FAP: variants seen among roughly 807,000 people sequenced by gnomAD.
FAP encodes prolyl endopeptidase FAP.
In FAP, 110 loss-of-function variants were observed where a neutral mutation model predicts 126.5. The ratio of observed to expected loss-of-function variants is 0.87; its 90% CI spans 0.74 to 1.02. The LOEUF is 1.02. Ranked by LOEUF, FAP falls within the 50% of genes least tolerant of loss-of-function variation. FAP has a pLI of 0.00. For synonymous variants in FAP, 334 were observed against 297.3 expected (o/e 1.12, Z -1.27); for missense variants, 919 against 909.2 (o/e 1.01, Z -0.14).
intron 16 of FAP, among the ~76,000 whole-genome samples, chr2:162,197,138 T>TCATCAGCAAATGCATC (rs1290386544): frequency 1.3e-5 from 2 of 152,216 alleles, no homozygotes. Context: ...ACTGATGCAT[T>TCATCAGCAAATGCATC]CATCAGCAAA....
At chr2:162,223,403 A>T (rs1010562506) in intron 6 of FAP, among the ~76,000 whole-genome samples, 1 of 152,188 alleles carries the variant, frequency 6.6e-6, no homozygotes, top group South Asian at 2.1e-4. Flanking sequence ...AATATAAAAT[A>T]TTAGTCAAAT....
intron 20 of FAP, among the ~76,000 whole-genome samples, chr2:162,187,524 T>C (rs1473947934): frequency 2.6e-5 from 4 of 152,090 alleles, no homozygotes; most frequent in African/African-American, 4.8e-5. Flanking sequence ...GCCTATATAG[T>C]CCTGTTTCAG....
rs1690404530 is a variant in FAP at position 162,242,821 on chromosome 2, A to C, written c.91+87T>G. ...GACTTACTTTGGAACATAAGCACTT[A>C]GGAAATGTTCAACCACTTGTGATCT... On this transcript the variant is annotated intron_variant, in intron 2 of 25. Coordinates refer to ENST00000188790, the MANE Select transcript of FAP (RefSeq NM_004460.5). 3 of 938,792 alleles carry C rather than the reference A, an allele frequency of 3.2e-6. No homozygotes were observed. The South Asian group carries it at 4.4e-5, about 14-fold the overall frequency. The allele number at this position is 938,792 out of a possible 1,614,324, so 58.2% of individuals were successfully genotyped here.
intron 12 of FAP, among the ~76,000 whole-genome samples, chr2:162,204,873 A>G (rs947331688): frequency 8.5e-5 from 13 of 152,178 alleles, no homozygotes; most frequent in African/African-American, 3.1e-4. Context: ...CTGTCTCTAT[A>G]ATTTGAGTTC....
chr2:162,205,534 T>C lies in FAP; in HGVS notation c.1048-2389A>G, dbSNP rs146387253. ...CTTTTTTTTATTTTTTTATTTTTTA[T>C]GGAGTTTCGTTCTTGTTGCCCAGGC... On this transcript the variant is annotated intron_variant, in intron 12 of 25. Coordinates refer to ENST00000188790, the MANE Select transcript of FAP (RefSeq NM_004460.5). Among the ~76,000 whole-genome samples, 419 of 152,246 alleles carry C rather than the reference T, an allele frequency of 2.8e-3. 5 individuals are homozygous for C. The highest frequency in any genetic ancestry group is 9.9e-3 in the African/African-American group (411 of 41,564).
intron 4 of FAP, 123 bp downstream of exon 4, chr2:162,225,360 T>C (rs553304131): frequency 4.9e-6 from 6 of 1,228,802 alleles, no homozygotes; most frequent in Non-Finnish European, 6.7e-6. Flanking sequence ...AAGACTCTAG[T>C]GGAGTATGGA....
intron 11 of FAP, among the ~76,000 whole-genome samples, chr2:162,211,363 C>T (rs1688926903): frequency 6.6e-6 from 1 of 152,170 alleles, no homozygotes; most frequent in African/African-American, 2.4e-5. Context: ...CATGAATGTG[C>T]AATAAATTTC....
At chr2:162,238,949 AT>A (rs1025529371) in intron 2 of FAP, among the ~76,000 whole-genome samples, 1 of 152,190 alleles carries the variant, frequency 6.6e-6, no homozygotes, top group South Asian at 2.1e-4. Flanking sequence ...GCCTTCACAT[AT>A]TTTCTTCAAT....
At chr2:162,200,642 T>C in intron 14 of FAP, 23 bp from the exon 15 acceptor site, 4 of 1,104,292 alleles carry the variant, frequency 3.6e-6, no homozygotes, top group Non-Finnish European at 5.3e-6. Flanking sequence ...TCAGAAATTA[T>C]TAAGTATTGA....
At position 162,219,164 on chromosome 2, in the gene FAP, T is replaced by C; in HGVS notation, c.506A>G (p.Asn169Ser). 6.2e-7 allele frequency: 1 copy of C among 1,607,046 alleles called. No homozygotes were observed. The highest frequency in any genetic ancestry group is 8.5e-7 in the Non-Finnish European group (1 of 1,176,462). The change falls in exon 8 of 26, where the codon AAT (asparagine) becomes AGT (serine). Residue 169 changes from asparagine (N) to serine (S), a missense_variant. Transcript: ENST00000188790. ...TCCTGGTCTTTGTTTCAAATAGATA[T>C]TGTTTTGATAGACATATGCCTAAAA... ...GSKLAYVYQNNIYLKQRPGDP... is the reference protein window; with the variant it reads ...GSKLAYVYQNSIYLKQRPGDP...
At chr2:162,188,390 A>G (rs1687926861) in intron 19 of FAP, 27 bp from the exon 20 acceptor site, 1 of 1,594,748 alleles carries the variant, frequency 6.3e-7, no homozygotes, top group Non-Finnish European at 8.6e-7. Flanking sequence ...AAAAACAAGA[A>G]TCTTTGATTG....
rs747334668 is a variant in FAP at position 162,225,504 on chromosome 2, G to C, written c.264C>G (p.Thr88=). ...LYNIETGQSY[T]ILSNRTMKSV... ...ATACCATGGTTCTATTACTCAAAAT[G>C]GTATATGATTGTCCTGTTTCAATAT... The change falls in exon 4 of 26, where the codon ACC becomes ACG. Residue 88 remains threonine (T), a synonymous_variant. Coordinates refer to ENST00000188790, the MANE Select transcript of FAP (RefSeq NM_004460.5). 1 of 1,599,710 alleles carries C rather than the reference G, an allele frequency of 6.3e-7. No individual in the cohort carries two copies.
At chr2:162,219,407 CTT>C (rs1484218760) in intron 7 of FAP, among the ~76,000 whole-genome samples, 1 of 152,086 alleles carries the variant, frequency 6.6e-6, no homozygotes, top group Non-Finnish European at 1.5e-5. Context: ...CTATTATTTT[CTT>C]AGTTGTTTCA....
At chr2:162,242,044 T>C (rs1053016867) in intron 2 of FAP, among the ~76,000 whole-genome samples, 10 of 152,198 alleles carry the variant, frequency 6.6e-5, no homozygotes, top group African/African-American at 2.4e-4. Context: ...CCAAGATATT[T>C]CCCACATTTG....
chr2:162,187,197 C>T (rs1002638613), intron 20 of FAP, among the ~76,000 whole-genome samples: 2 of 152,040 alleles, frequency 1.3e-5, no homozygotes, highest in Non-Finnish European at 2.9e-5. Context: ...TTGTCTAGGC[C>T]TGGCTCCAGG....
chr2:162,179,810 A>T (rs202212908), intron 21 of FAP, among the ~76,000 whole-genome samples: 1,667 of 107,046 alleles, frequency 0.016, 35 homozygotes, highest in African/African-American at 0.036. Flanking sequence ...ATATATATAT[A>T]TATTTTTTTT....
At chr2:162,186,464 A>C (rs1393283396) in intron 20 of FAP, among the ~76,000 whole-genome samples, 2 of 152,082 alleles carry the variant, frequency 1.3e-5, no homozygotes, top group African/African-American at 2.4e-5. Flanking sequence ...TTTTCATTTC[A>C]TCCAAGGAAA....
chr2:162,239,718 A>G (rs888585978), intron 2 of FAP, among the ~76,000 whole-genome samples: 1 of 152,244 alleles, frequency 6.6e-6, no homozygotes, highest in African/African-American at 2.4e-5. Flanking sequence ...AATTTTAGAA[A>G]AAAAATAACT....
At chr2:162,210,115 T>C (rs1688865013) in intron 11 of FAP, 119 bp from the exon 12 acceptor site, 3 of 767,152 alleles carry the variant, frequency 3.9e-6, no homozygotes, top group Admixed American at 2.4e-5. Flanking sequence ...ACTAGTCAAC[T>C]AACTTCAAAT....
Sources: gnomAD v4.1 joint callset for allele counts (sites outside exome capture counted in the v4.1 genomes callset) on GRCh38, gnomAD v4.1.1 for gene constraint, MANE v1.5 for transcripts, NCBI Gene and HGNC (gene_info 2026-07-23, HGNC 2026-07-21) for gene names.